The following BTNL8 variants were observed in gnomAD, a reference collection of about 807,000 sequenced individuals.
BTNL8 encodes butyrophilin-like protein 8.
In BTNL8, 22 loss-of-function variants were observed where a neutral mutation model predicts 36.1. The ratio of observed to expected loss-of-function variants is 0.61; its 90% CI spans 0.44 to 0.87. The LOEUF (loss-of-function observed/expected upper bound fraction) is 0.87, where lower values mean the gene tolerates loss of function less well. BTNL8 is among the 40% of genes least tolerant of loss of function. BTNL8 has a pLI of 0.00. For missense variants in BTNL8, 526 were observed against 616.9 expected (o/e 0.85, Z 1.56); for synonymous variants, 203 against 235.6 (o/e 0.86, Z 1.27).
Position 180,908,623 on chromosome 5 carries a change from G to C in BTNL8, c.87G>C (p.Gln29His), listed in dbSNP as rs758410077. The change falls in exon 2 of 8, where the codon CAG becomes CAC. Residue 29 changes from glutamine to histidine, a missense_variant. By Grantham distance (24) the Gln-to-His change is conservative (BLOSUM62 0). Transcript: ENST00000340184. Reference sequence around the variant, plus strand: ...TGTTTGGGCCAGACAAGCCTGTCCAGGCCTTGGTGGGGGAGGACGCAGCAT... The same window carrying C: ...TGTTTGGGCCAGACAAGCCTGTCCACGCCTTGGTGGGGGAGGACGCAGCAT... The part of the protein sequence containing the change: ...WQVFGPDKPV[Q>H]ALVGEDAAFS... The C allele has an allele frequency of 6.2e-7, 1 of 1,614,208 alleles. No homozygotes were observed. The highest frequency in any genetic ancestry group is 8.5e-7 in the Non-Finnish European group (1 of 1,180,038).
In BTNL8 at chr5:180,944,920, C is replaced by A. The variant is rs1759164825; in HGVS notation, c.674-2592C>A. Among the ~76,000 whole-genome samples the A allele has an allele frequency of 2.0e-5, 3 of 152,294 alleles. 1 individual carries two copies. The South Asian group carries it at 6.2e-4, about 32-fold the overall frequency. The stretch of plus-strand genomic sequence containing the variant: ...CCCAAAGCTATTTACAGATTCAATA[C>A]AGTCTCTCTCAAGATTCTAACGTCA... On this transcript the variant is annotated intron_variant, in intron 3 of 7. Coordinates refer to ENST00000340184, the MANE Select transcript of BTNL8 (RefSeq NM_001040462.3).
intron 4 of BTNL8, 177 bp downstream of exon 4, chr5:180,947,802 T>C (rs908000757): frequency 6.3e-7 from 1 of 1,593,008 alleles, no homozygotes; most frequent in African/African-American, 1.3e-5. Flanking sequence ...CCTCTGGAAA[T>C]ATCAACTACG....
At chr5:180,925,156 A>G (rs1202535524) in intron 3 of BTNL8, among the ~76,000 whole-genome samples, 1 of 152,218 alleles carries the variant, frequency 6.6e-6, no homozygotes, top group Non-Finnish European at 1.5e-5. Context: ...GAATTATTGG[A>G]CACCATTAAG....
At chr5:180,938,693 A>G (rs1758783142) in intron 3 of BTNL8, among the ~76,000 whole-genome samples, 1 of 151,692 alleles carries the variant, frequency 6.6e-6, no homozygotes, top group Non-Finnish European at 1.5e-5. Context: ...ACGCACCACC[A>G]CACCCAGCTA....
At position 180,938,587 on chromosome 5, in the gene BTNL8, G is replaced by A. The variant is rs567583493; in HGVS notation, c.674-8925G>A. On this transcript the variant is annotated intron_variant, in intron 3 of 7. Transcript: ENST00000340184. Reference sequence around the variant, plus strand: ...GGAGTCTTGCTCTGTCGCCAGGCTGGAATCCACTGGCACGATTTCGGCTCA... The same window carrying A: ...GGAGTCTTGCTCTGTCGCCAGGCTGAAATCCACTGGCACGATTTCGGCTCA... Among the ~76,000 whole-genome samples the A allele has an allele frequency of 5.3e-5, 8 of 150,082 alleles. No individual in the cohort carries two copies. In the South Asian group the frequency reaches 1.3e-3, roughly 24 times the overall value.
At chr5:180,940,264 G>A (rs1289444458) in intron 3 of BTNL8, among the ~76,000 whole-genome samples, 1 of 151,774 alleles carries the variant, frequency 6.6e-6, no homozygotes, top group Non-Finnish European at 1.5e-5. Context: ...TCTTGAACCA[G>A]GGAGGCAGAG....
At position 180,935,052 on chromosome 5, in the gene BTNL8, TC is replaced by T. The variant is rs1325041006; in HGVS notation, c.674-12458del. Reference sequence around the variant, plus strand: ...TCATCCCAACAAGTGGGTAGCTCCTTCCTGCTTCTCACTTCATAGTCCTGAT... The same window carrying T: ...TCATCCCAACAAGTGGGTAGCTCCTTCTGCTTCTCACTTCATAGTCCTGAT... On this transcript the variant is annotated intron_variant, in intron 3 of 7. Transcript: ENST00000340184. This position sits in a 1 kb window ranked among gnomAD's most constrained non-coding sequence, Gnocchi z 4.8. 1.3e-5 allele frequency among the ~76,000 whole-genome samples: 2 copies of T among 152,194 alleles called. No homozygotes were observed. Among genetic ancestry groups the T allele is most frequent in the Non-Finnish European group, 2.9e-5 (2 of 68,040 alleles).
intron 3 of BTNL8, among the ~76,000 whole-genome samples, chr5:180,931,528 C>T (rs1357975968): frequency 1.3e-5 from 2 of 152,054 alleles, no homozygotes; most frequent in South Asian, 2.1e-4. Flanking sequence ...AGGCAACCTA[C>T]AGAATGGGAG....
At chr5:180,907,767 A>C (rs1027406996) in intron 1 of BTNL8, among the ~76,000 whole-genome samples, 5 of 151,928 alleles carry the variant, frequency 3.3e-5, no homozygotes, top group Non-Finnish European at 5.9e-5. Context: ...GGTCTGTTGG[A>C]GTACCCTGCC....
Position 180,911,383 on chromosome 5 carries a change from A to G in BTNL8, c.442A>G (p.Arg148Gly). The change falls in exon 3 of 8, where the codon AGA becomes GGA. Residue 148 changes from arginine to glycine, a missense_variant. Physicochemically the swap from Arg to Gly is moderately radical, Grantham distance 125. This residue lies in a region of BTNL8 where 350 missense variants were observed against 324.6 expected (regional missense o/e 1.08). Transcript: ENST00000340184. ...CATTTCCATCACGGGATATGTTGATAGAGACATCCAGCTACTCTGTCAGTC... is the reference window on the plus strand; with the variant it reads ...CATTTCCATCACGGGATATGTTGATGGAGACATCCAGCTACTCTGTCAGTC... ...PLISITGYVD[R>G]DIQLLCQSSG... 4 of 1,614,162 alleles carry G rather than the reference A, an allele frequency of 2.5e-6. No homozygotes were observed. The highest frequency in any genetic ancestry group is 3.4e-6 in the Non-Finnish European group (4 of 1,180,022).
intron 3 of BTNL8, among the ~76,000 whole-genome samples, chr5:180,934,803 C>A (rs1758567247): frequency 6.6e-6 from 1 of 152,180 alleles, no homozygotes; most frequent in African/African-American, 2.4e-5. Context: ...CAGCTCTTCT[C>A]TCCTTCTCAT....
At chr5:180,901,082 A>G (rs538543825) in intron 1 of BTNL8, among the ~76,000 whole-genome samples, 1 of 152,322 alleles carries the variant, frequency 6.6e-6, no homozygotes, top group South Asian at 2.1e-4. Context: ...CAGGGCCTCA[A>G]CATCTGCTAC....
intron 3 of BTNL8, among the ~76,000 whole-genome samples, chr5:180,938,717 T>C (rs938206578): frequency 6.6e-6 from 1 of 151,964 alleles, no homozygotes; most frequent in Non-Finnish European, 1.5e-5. Context: ...TTTGTATTTT[T>C]AGTAGAGACG....
At chr5:180,940,078 G>T (rs1422023075) in intron 3 of BTNL8, among the ~76,000 whole-genome samples, 1 of 152,140 alleles carries the variant, frequency 6.6e-6, no homozygotes, top group Non-Finnish European at 1.5e-5. Flanking sequence ...TGGGCACAGT[G>T]GCTCATGCCT....
At chr5:180,926,164 C>T (rs1167008749) in intron 3 of BTNL8, among the ~76,000 whole-genome samples, 1 of 152,150 alleles carries the variant, frequency 6.6e-6, no homozygotes, top group East Asian at 1.9e-4. Flanking sequence ...GTGGGTGCAG[C>T]CCACGGAAAG....
chr5:180,902,096 T>G lies in BTNL8; in HGVS notation c.49+2737T>G, dbSNP rs187307032. 2.7e-3 allele frequency among the ~76,000 whole-genome samples: 413 copies of G among 152,248 alleles called. 2 individuals are homozygous for G. Among genetic ancestry groups the G allele is most frequent in the Middle Eastern group, 0.017 (5 of 294 alleles). On this transcript the variant is annotated intron_variant, in intron 1 of 7. Transcript: ENST00000340184. Reference sequence around the variant, plus strand: ...GAAACCTTAACGAATTGCCGCAAACTGGAGACTTTATGGCCCATACTCTTC... The same window carrying G: ...GAAACCTTAACGAATTGCCGCAAACGGGAGACTTTATGGCCCATACTCTTC...
At chr5:180,920,548 C>T (rs1757816990) in intron 3 of BTNL8, among the ~76,000 whole-genome samples, 1 of 151,966 alleles carries the variant, frequency 6.6e-6, no homozygotes, top group Admixed American at 6.6e-5. Flanking sequence ...TGATTTTTCA[C>T]CCTGACACCA....
chr5:180,925,422 G>A (rs141742580), intron 3 of BTNL8, among the ~76,000 whole-genome samples: 71 of 152,276 alleles, frequency 4.7e-4, no homozygotes, highest in Non-Finnish European at 7.9e-4. Flanking sequence ...GAACCATATC[G>A]CATTCAAGAG....
chr5:180,939,081 A>G (rs558877906), intron 3 of BTNL8, among the ~76,000 whole-genome samples: 2 of 152,314 alleles, frequency 1.3e-5, no homozygotes, highest in East Asian at 3.9e-4. Flanking sequence ...TTTTATCACT[A>G]TAGTAATCCA....
Sources: allele counts gnomAD v4.1 joint callset (sites outside exome capture counted in the v4.1 genomes callset), GRCh38; gene constraint gnomAD v4.1.1; regional missense constraint gnomAD v4.1.1; non-coding constraint Gnocchi (gnomAD v3.1); transcripts MANE v1.5; gene names NCBI Gene and HGNC (gene_info 2026-07-23, HGNC 2026-07-21).